AMPH: variants seen among roughly 807,000 people sequenced by gnomAD.
AMPH encodes amphiphysin (Stiff-Mann syndrome with breast cancer 128kD autoantigen).
A neutral mutation model predicts 99.1 loss-of-function variants in AMPH; 49 were observed. The observed-to-expected ratio is 0.49, with a 90% CI of 0.39 to 0.63. The LOEUF is 0.63. Among genes scored for constraint, AMPH ranks in the 20% least tolerant of loss-of-function variants. The pLI, the probability that AMPH is intolerant of heterozygous loss-of-function variation, is 0.00. For synonymous variants in AMPH, 314 were observed against 317.3 expected (o/e 0.99, Z 0.11); for missense variants, 759 against 863.4 (o/e 0.88, Z 1.52).
intron 19 of AMPH, among the ~76,000 whole-genome samples, chr7:38,391,265 C>T (rs1784485557): frequency 6.6e-6 from 1 of 152,070 alleles, no homozygotes; most frequent in Admixed American, 6.5e-5. Flanking sequence ...TTTTTTCTGC[C>T]TTTTGGTGCA....
chr7:38,629,395 G>C (rs980359754), intron 1 of AMPH, among the ~76,000 whole-genome samples: 1 of 152,084 alleles, frequency 6.6e-6, no homozygotes, highest in Non-Finnish European at 1.5e-5. Context: ...AAAATAGGAC[G>C]CTTGAAACCC....
At chr7:38,567,182 A>G (rs970899882) in intron 1 of AMPH, among the ~76,000 whole-genome samples, 2 of 152,252 alleles carry the variant, frequency 1.3e-5, no homozygotes, top group African/African-American at 4.8e-5. Context: ...AATGTGGCAC[A>G]TATATACCAT....
At chr7:38,469,778 C>T (rs1418184997) in intron 7 of AMPH, among the ~76,000 whole-genome samples, 8 of 152,186 alleles carry the variant, frequency 5.3e-5, no homozygotes, top group African/African-American at 1.4e-4. Flanking sequence ...AACCCTATGA[C>T]TATCCAGCCA....
chr7:38,413,773 C>G (rs1242135753), intron 17 of AMPH, among the ~76,000 whole-genome samples: 1 of 152,174 alleles, frequency 6.6e-6, no homozygotes, highest in East Asian at 1.9e-4. Context: ...GAAGATCATT[C>G]TATGTTAATA....
intron 4 of AMPH, among the ~76,000 whole-genome samples, chr7:38,491,390 T>C (rs1788713795): frequency 6.6e-6 from 1 of 152,198 alleles, no homozygotes; most frequent in Non-Finnish European, 1.5e-5. Context: ...GATTCTAAAT[T>C]ACTAAAGAAT....
chr7:38,488,521 G>A (rs564021008), intron 5 of AMPH, among the ~76,000 whole-genome samples: 1 of 151,488 alleles, frequency 6.6e-6, no homozygotes, highest in Non-Finnish European at 1.5e-5. Flanking sequence ...GGCCTGTCGG[G>A]GGGTGGGGGG....
intron 1 of AMPH, among the ~76,000 whole-genome samples, chr7:38,610,292 G>GAAAGAAAAGA (rs1562860185): frequency 9.2e-5 from 1 of 10,864 alleles, no homozygotes; most frequent in Non-Finnish European, 1.8e-4. Context: ...AAGAAAGAAA[G>GAAAGAAAAGA]AAAGAAAAGA....
At chr7:38,508,675 C>T (rs1355811400) in intron 2 of AMPH, among the ~76,000 whole-genome samples, 18 of 152,074 alleles carry the variant, frequency 1.2e-4, no homozygotes, top group Admixed American at 1.2e-3. Context: ...TGATCATAAG[C>T]CTATAGACAT....
intron 3 of AMPH, among the ~76,000 whole-genome samples, chr7:38,495,767 A>G (rs3823593): frequency 0.38 from 57,455 of 152,006 alleles, 11,465 homozygotes; most frequent in African/African-American, 0.52. Context: ...TTAGGGATAC[A>G]TTTGATATGT....
At chr7:38,505,638 T>C (rs558393730) in intron 2 of AMPH, among the ~76,000 whole-genome samples, 1 of 151,912 alleles carries the variant, frequency 6.6e-6, no homozygotes, top group African/African-American at 2.4e-5. Context: ...AACAGCAAAG[T>C]GTAGTAGAAA....
chr7:38,530,644 C>T (rs1001573875), intron 2 of AMPH, among the ~76,000 whole-genome samples: 4 of 152,188 alleles, frequency 2.6e-5, no homozygotes, highest in Non-Finnish European at 4.4e-5. Context: ...CAGCATCTTA[C>T]TGGGCGAGTT....
intron 2 of AMPH, among the ~76,000 whole-genome samples, chr7:38,508,903 C>A (rs760045060): frequency 6.6e-6 from 1 of 152,108 alleles, no homozygotes. Context: ...ATAATCAGCA[C>A]CTTGATTAAC....
Position 38,443,175 on chromosome 7 carries a change from C to A in AMPH, c.1018-6787G>T, listed in dbSNP as rs142909288. Among the ~76,000 whole-genome samples the A allele has an allele frequency of 3.9e-4, 60 of 151,996 alleles. No individual in the cohort carries two copies. In the East Asian group the frequency reaches 0.011, roughly 27 times the overall value. On this transcript the variant is annotated intron_variant, in intron 11 of 20. Transcript: ENST00000356264. ...AAACTACAAATACAAAAATCTCACTCAAGAAAAATAGATACCCTGAACTGC... is the reference window on the plus strand; with the variant it reads ...AAACTACAAATACAAAAATCTCACTAAAGAAAAATAGATACCCTGAACTGC...
At chr7:38,392,069 C>T (rs1562722331) in intron 18 of AMPH, 52 bp from the exon 19 acceptor site, 1 of 1,575,800 alleles carries the variant, frequency 6.3e-7, no homozygotes, top group Non-Finnish European at 8.6e-7. Flanking sequence ...AAAACAGAAC[C>T]TCCTTGTCCT....
intron 14 of AMPH, 184 bp downstream of exon 14, chr7:38,429,658 A>G: frequency 2.2e-6 from 3 of 1,368,544 alleles, no homozygotes; most frequent in Non-Finnish European, 2.9e-6. Flanking sequence ...GATGAGAAAC[A>G]CAAAGCTCTT....
intron 1 of AMPH, among the ~76,000 whole-genome samples, chr7:38,613,137 G>A (rs1355696861): frequency 6.6e-6 from 1 of 152,182 alleles, no homozygotes; most frequent in East Asian, 1.9e-4. Flanking sequence ...TGAGAAGTGA[G>A]AAGGTCAGGA....
chr7:38,600,023 A>G (rs1352862093), intron 1 of AMPH, among the ~76,000 whole-genome samples: 1 of 152,092 alleles, frequency 6.6e-6, no homozygotes, highest in Non-Finnish European at 1.5e-5. Flanking sequence ...AAGCATCTTT[A>G]AGGACCACTC....
intron 14 of AMPH, chr7:38,428,739 T>G (rs563596116): frequency 6.6e-6 from 3 of 456,982 alleles, no homozygotes; most frequent in South Asian, 4.6e-5. Context: ...CATTCCACAA[T>G]TATTGATTAC....
chr7:38,587,732 G>A (rs770313620), intron 1 of AMPH, among the ~76,000 whole-genome samples: 5 of 152,136 alleles, frequency 3.3e-5, no homozygotes, highest in Non-Finnish European at 5.9e-5. Flanking sequence ...CATACCATGT[G>A]TATGCCAATG....
Sources: gnomAD v4.1 joint callset for allele counts (sites outside exome capture counted in the v4.1 genomes callset) on GRCh38, gnomAD v4.1.1 for gene constraint, MANE v1.5 for transcripts, NCBI Gene and HGNC (gene_info 2026-07-23, HGNC 2026-07-21) for gene names.